BMPER: variants seen among roughly 807,000 people sequenced by gnomAD.
BMPER encodes BMP-binding endothelial regulator protein.
A neutral mutation model predicts 87.3 loss-of-function variants in BMPER; 45 were observed. That is an observed-to-expected ratio of 0.52 (90% CI 0.41 to 0.66). BMPER has a LOEUF of 0.66. Ranked by LOEUF, BMPER falls within the 30% of genes least tolerant of loss-of-function variation. The pLI, the probability that BMPER is intolerant of heterozygous loss-of-function variation, is 0.00. For synonymous variants in BMPER, 326 were observed against 316.2 expected (o/e 1.03, Z -0.33); for missense variants, 784 against 867.5 (o/e 0.90, Z 1.21).
intron 12 of BMPER, among the ~76,000 whole-genome samples, chr7:34,080,949 G>T (rs1789030038): frequency 6.6e-6 from 1 of 152,142 alleles, no homozygotes; most frequent in Non-Finnish European, 1.5e-5. Context: ...GCCATAATTA[G>T]ATTAGTGAAT....
At chr7:33,958,061 A>G (rs1785188778) in intron 3 of BMPER, among the ~76,000 whole-genome samples, 3 of 152,048 alleles carry the variant, frequency 2.0e-5, no homozygotes, top group Admixed American at 2.0e-4. Context: ...AATTTTCCTT[A>G]TGAGGTTGTT....
rs573519881 is a variant in BMPER at position 33,944,364 on chromosome 7, G to A, written c.319+6976G>A. On this transcript the variant is annotated intron_variant, in intron 3 of 14. Coordinates refer to ENST00000649409, the MANE Select transcript of BMPER (RefSeq NM_001365308.1). Reference sequence around the variant, plus strand: ...GTATTTTTAGTAGAGATGAGGTTTCGCTGTGTTGGCCAGGCTCATTTCCAA... The same window carrying A: ...GTATTTTTAGTAGAGATGAGGTTTCACTGTGTTGGCCAGGCTCATTTCCAA... Among the ~76,000 whole-genome samples the A allele has an allele frequency of 2.2e-4, 33 of 151,926 alleles. No homozygotes were observed. In the South Asian group the frequency reaches 5.6e-3, roughly 26 times the overall value.
chr7:34,070,188 C>A (rs915703644), intron 11 of BMPER, among the ~76,000 whole-genome samples: 8 of 152,048 alleles, frequency 5.3e-5, no homozygotes, highest in Admixed American at 6.5e-5. Flanking sequence ...CATGTTCTTT[C>A]AAAGTATTGC....
intron 11 of BMPER, among the ~76,000 whole-genome samples, chr7:34,064,124 C>T (rs1788513129): frequency 6.6e-6 from 1 of 152,150 alleles, no homozygotes. Context: ...AACCCCATTT[C>T]TACTAAAAAT....
At chr7:34,124,449 G>GTTTT (rs34998655) in intron 13 of BMPER, among the ~76,000 whole-genome samples, 2 of 147,008 alleles carry the variant, frequency 1.4e-5, no homozygotes, top group Admixed American at 6.8e-5. Flanking sequence ...GCATTGTAAA[G>GTTTT]TTTTTTTTTT....
intron 6 of BMPER, among the ~76,000 whole-genome samples, chr7:34,025,471 C>G (rs539150373): frequency 3.3e-5 from 5 of 151,854 alleles, no homozygotes; most frequent in African/African-American, 1.2e-4. Flanking sequence ...TTTTAGGAGC[C>G]GAGAGTGCAT....
chr7:33,999,016 G>A (rs1008187507), intron 6 of BMPER, among the ~76,000 whole-genome samples: 4 of 152,202 alleles, frequency 2.6e-5, no homozygotes, highest in Non-Finnish European at 5.9e-5. Context: ...TTCCCTGCCC[G>A]CCTGCTCTGA....
chr7:34,097,282 C>T (rs1017448161), intron 13 of BMPER, among the ~76,000 whole-genome samples: 2 of 152,206 alleles, frequency 1.3e-5, no homozygotes, highest in African/African-American at 2.4e-5. Context: ...CTGGCACAGG[C>T]AGCTGAGAGA....
At chr7:34,093,040 A>C (rs1028116067) in intron 13 of BMPER, among the ~76,000 whole-genome samples, 1 of 152,210 alleles carries the variant, frequency 6.6e-6, no homozygotes, top group Admixed American at 6.5e-5. Flanking sequence ...TGACACCACA[A>C]GTTTAGAGGT....
At position 34,156,189 on chromosome 7, in the gene BMPER, G is replaced by A. The variant is rs1205738362; in HGVS notation, c.*2916G>A. 6.6e-6 allele frequency among the ~76,000 whole-genome samples: 1 copy of A among 152,178 alleles called. No individual in the cohort carries two copies. Among genetic ancestry groups the A allele is most frequent in the African/African-American group, 2.4e-5 (1 of 41,450 alleles). On this transcript the variant is annotated 3_prime_UTR_variant, in exon 15 of 15. Coordinates refer to ENST00000649409, the MANE Select transcript of BMPER (RefSeq NM_001365308.1). Reference sequence around the variant, plus strand: ...AGAGGGCATCTTTCAATAAGAACGAGAAAGACCCAGGAGGTTGACTAGCTT... The same window carrying A: ...AGAGGGCATCTTTCAATAAGAACGAAAAAGACCCAGGAGGTTGACTAGCTT...
intron 13 of BMPER, among the ~76,000 whole-genome samples, chr7:34,134,384 G>T (rs1790667441): frequency 6.6e-6 from 1 of 152,108 alleles, no homozygotes; most frequent in African/African-American, 2.4e-5. Context: ...ACTAGAGGGG[G>T]GTCGTGACCA....
intron 13 of BMPER, among the ~76,000 whole-genome samples, chr7:34,121,851 G>A (rs1388177663): frequency 1.3e-5 from 2 of 152,162 alleles, no homozygotes; most frequent in African/African-American, 4.8e-5. Flanking sequence ...GCCAGGTGTG[G>A]TGGCTCATGC....
chr7:34,110,706 A>G (rs1208699723), intron 13 of BMPER, among the ~76,000 whole-genome samples: 2 of 152,242 alleles, frequency 1.3e-5, no homozygotes, highest in African/African-American at 4.8e-5. Context: ...TGGAAGCCAA[A>G]GGTGCAGGCC....
At chr7:34,024,376 AAAAAAAC>A (rs1562695099) in intron 6 of BMPER, among the ~76,000 whole-genome samples, 4 of 97,274 alleles carry the variant, frequency 4.1e-5, no homozygotes, top group African/African-American at 2.1e-4. Flanking sequence ...AAAAAAAAAA[AAAAAAAC>A]AATATATATA....
intron 6 of BMPER, among the ~76,000 whole-genome samples, chr7:34,025,050 T>C (rs1299552834): frequency 1.3e-5 from 2 of 152,094 alleles, no homozygotes; most frequent in African/African-American, 4.8e-5. Context: ...ATTCAGGTGT[T>C]CTATTTTAAT....
At chr7:34,087,358 AC>A (rs1405124912) in intron 13 of BMPER, among the ~76,000 whole-genome samples, 1 of 152,160 alleles carries the variant, frequency 6.6e-6, no homozygotes, top group Non-Finnish European at 1.5e-5. Flanking sequence ...AGATAGACAA[AC>A]CTGGCTTTAT....
In BMPER at chr7:34,046,290, T is replaced by C. The variant is rs757676316; in HGVS notation, c.577-16T>C. On this transcript the variant is annotated splice_polypyrimidine_tract_variant and intron_variant, in intron 6 of 14. Transcript: ENST00000649409. The stretch of plus-strand genomic sequence containing the variant: ...TTACTTTTCTAAATATGCTTTTTTT[T>C]TCTCTCTTTTCTTAGGGAGGCAGGA... 1.2e-4 allele frequency: 186 copies of C among 1,609,314 alleles called. No individual in the cohort carries two copies. Among genetic ancestry groups the C allele is most frequent in the Middle Eastern group, 1.6e-4 (1 of 6,076 alleles).
chr7:33,974,769 C>A lies in BMPER; in HGVS notation c.561C>A (p.Thr187=), dbSNP rs1404643987. 1.2e-6 allele frequency: 2 copies of A among 1,613,858 alleles called. No individual in the cohort carries two copies. Among genetic ancestry groups the A allele is most frequent in the East Asian group, 4.5e-5 (2 of 44,880 alleles). ...EEFQPEGSKC[T]KCSCTGGRTQ... ...TTCAGCCAGAAGGAAGCAAATGTAC[C>A]AAGTGTTCCTGCACTGTAAGTCCTG... Residue 187 remains threonine, a synonymous_variant, in exon 6 of 15, where the codon ACC becomes ACA. Transcript: ENST00000649409.
intron 6 of BMPER, among the ~76,000 whole-genome samples, chr7:34,041,992 C>T (rs77719345): frequency 6.6e-6 from 1 of 152,156 alleles, no homozygotes; most frequent in Non-Finnish European, 1.5e-5. Context: ...CCAAGTCTCA[C>T]TGGGCACTCA....
Sources: allele counts gnomAD v4.1 joint callset (sites outside exome capture counted in the v4.1 genomes callset), GRCh38; gene constraint gnomAD v4.1.1; transcripts MANE v1.5; gene names NCBI Gene and HGNC (gene_info 2026-07-23, HGNC 2026-07-21).